AGBL1: variants seen among roughly 807,000 people sequenced by gnomAD.
AGBL1 encodes the protein cytosolic carboxypeptidase 4.
AGBL1 carries 130 observed loss-of-function variants against 118.9 expected under a neutral mutation model. That is an observed-to-expected ratio of 1.09 (90% CI 0.95 to 1.26). AGBL1 has a LOEUF of 1.26. Among genes scored for constraint, AGBL1 ranks in the 50% most tolerant of loss-of-function variants. The probability of loss-of-function intolerance (pLI) is 0.00; values close to 1 mark genes in which losing one functional copy is unlikely to be tolerated. For missense variants in AGBL1, 1,584 were observed against 1,298.1 expected, an observed-to-expected ratio of 1.22 and a Z score of -3.38; for synonymous variants, 555 against 478.9, an observed-to-expected ratio of 1.16 and a Z score of -2.08.
intron 18 of AGBL1, among the ~76,000 whole-genome samples, chr15:86,468,347 A>G (rs1305558144): frequency 6.6e-6 from 1 of 152,190 alleles, no homozygotes; most frequent in Non-Finnish European, 1.5e-5. Context: ...AAATTTTGGC[A>G]TGCTGAAGCT....
chr15:86,317,636 C>G (rs115830978), intron 17 of AGBL1, among the ~76,000 whole-genome samples: 1 of 152,148 alleles, frequency 6.6e-6, no homozygotes, highest in South Asian at 2.1e-4. Context: ...AGGATTGAGT[C>G]GATATTAATG....
rs544006943 is a variant in AGBL1 at position 86,557,153 on chromosome 15, T to C, written c.2994+2616T>C. 1.8e-3 allele frequency among the ~76,000 whole-genome samples: 268 copies of C among 152,354 alleles called. 1 individual carries two copies. The highest frequency in any genetic ancestry group is 6.3e-3 in the African/African-American group (263 of 41,590). ...CATACACTTAGATCTATAACTTGTA[T>C]TTAATGTGGAAATCCCACCCACTGA... On this transcript the variant is annotated intron_variant, in intron 21 of 22. Coordinates refer to ENST00000614907, the MANE Select transcript of AGBL1 (RefSeq NM_001386094.1).
chr15:86,645,103 T>A (rs1254645806), intron 21 of AGBL1, among the ~76,000 whole-genome samples: 4 of 152,178 alleles, frequency 2.6e-5, no homozygotes, highest in Non-Finnish European at 4.4e-5. Flanking sequence ...TAGAAAAAAA[T>A]TGAATATCAA....
At chr15:86,619,439 A>G (rs139267855) in intron 21 of AGBL1, among the ~76,000 whole-genome samples, 2,294 of 152,314 alleles carry the variant, frequency 0.015, 26 homozygotes, top group Admixed American at 0.022. Context: ...GGGAAATGAT[A>G]AAGTTCAGAT....
intron 17 of AGBL1, among the ~76,000 whole-genome samples, chr15:86,315,209 A>C (rs1320207119): frequency 6.6e-6 from 1 of 152,152 alleles, no homozygotes; most frequent in Non-Finnish European, 1.5e-5. Flanking sequence ...ACTCAAATGG[A>C]TAGGCAAGCT....
rs767815188 is a variant in AGBL1, at chr15:86,262,817, A to C, written c.1009A>C (p.Lys337Gln). 1.9e-6 allele frequency: 3 copies of C among 1,611,056 alleles called. No homozygotes were observed. Among genetic ancestry groups the C allele is most frequent in the Admixed American group, 3.3e-5 (2 of 59,710 alleles). ...AACAGACGTGAACAAGCTGAGTTCCAAACCTGGTCTTGACCGACCTGAAGA... is the reference window on the plus strand; with the variant it reads ...AACAGACGTGAACAAGCTGAGTTCCCAACCTGGTCTTGACCGACCTGAAGA... ...LETDVNKLSS[K>Q]PGLDRPEEEL... Residue 337 changes from lysine to glutamine, a missense_variant, in exon 10 of 23, where the codon AAA (lysine) becomes CAA (glutamine). By Grantham distance (53) the Lys-to-Gln change is moderately conservative (BLOSUM62 1). Transcript: ENST00000614907.
chr15:86,996,543 A>G (rs1427435588), intron 24 of AGBL1, among the ~76,000 whole-genome samples: 2 of 152,202 alleles, frequency 1.3e-5, no homozygotes, highest in African/African-American at 4.8e-5. Flanking sequence ...TCAAAGCTGT[A>G]GTGAGCCAGG....
chr15:86,250,387 G>A (rs1416890664), intron 7 of AGBL1, among the ~76,000 whole-genome samples: 3 of 151,468 alleles, frequency 2.0e-5, no homozygotes, highest in South Asian at 2.1e-4. Context: ...TTAGCCGGGC[G>A]TGGTAGCATG....
intron 4 of AGBL1, among the ~76,000 whole-genome samples, chr15:86,157,235 C>A (rs1216045461): frequency 6.6e-6 from 1 of 152,074 alleles, no homozygotes; most frequent in African/African-American, 2.4e-5. Context: ...CGTATATTGA[C>A]CTGAACACCA....
At chr15:86,774,748 T>A (rs2078228991) in intron 22 of AGBL1, among the ~76,000 whole-genome samples, 1 of 152,006 alleles carries the variant, frequency 6.6e-6, no homozygotes, top group Admixed American at 6.6e-5. Context: ...TGCTACAATA[T>A]GTATCAAGGC....
chr15:86,130,534 T>C (rs2076806116), intron 1 of AGBL1, among the ~76,000 whole-genome samples: 1 of 152,256 alleles, frequency 6.6e-6, no homozygotes, highest in South Asian at 2.1e-4. Flanking sequence ...TAGAACTGGA[T>C]TTACCACCTC....
At chr15:86,226,511 C>T (rs551056363) in intron 6 of AGBL1, among the ~76,000 whole-genome samples, 4 of 152,296 alleles carry the variant, frequency 2.6e-5, no homozygotes, top group South Asian at 2.1e-4. Flanking sequence ...CTTGAGCTTA[C>T]GGTTGAGCAT....
intron 17 of AGBL1, among the ~76,000 whole-genome samples, chr15:86,332,428 C>T (rs375736753): frequency 7.6e-4 from 116 of 152,060 alleles, no homozygotes; most frequent in African/African-American, 2.5e-3. Flanking sequence ...GGGCGGATCA[C>T]GAGGTCAGGA....
chr15:86,207,133 T>G (rs2078007478), intron 5 of AGBL1, among the ~76,000 whole-genome samples: 2 of 152,194 alleles, frequency 1.3e-5, no homozygotes. Flanking sequence ...ATGTGTGGTG[T>G]TATTTCTGAG....
At chr15:86,635,152 T>G (rs940930727) in intron 21 of AGBL1, among the ~76,000 whole-genome samples, 8 of 152,140 alleles carry the variant, frequency 5.3e-5, no homozygotes, top group African/African-American at 1.9e-4. Flanking sequence ...CTTCATATTT[T>G]CTTCTTTTAA....
At chr15:86,472,846 A>T (rs2082497046) in intron 18 of AGBL1, among the ~76,000 whole-genome samples, 2 of 152,130 alleles carry the variant, frequency 1.3e-5, no homozygotes, top group African/African-American at 4.8e-5. Flanking sequence ...TTGAGCCCAA[A>T]AGGCAAAGGT....
chr15:86,335,934 G>A (rs1016998091), intron 17 of AGBL1, among the ~76,000 whole-genome samples: 1 of 152,138 alleles, frequency 6.6e-6, no homozygotes, highest in Non-Finnish European at 1.5e-5. Flanking sequence ...GTTTTATTTC[G>A]ATAAGCTTCA....
At chr15:86,887,822 A>AAAAG (rs367861007) in intron 22 of AGBL1, among the ~76,000 whole-genome samples, 18 of 152,192 alleles carry the variant, frequency 1.2e-4, no homozygotes, top group East Asian at 3.9e-4. Context: ...TAAATAGAGA[A>AAAAG]AAAGAAAGAA....
intron 24 of AGBL1, among the ~76,000 whole-genome samples, chr15:87,017,509 G>A (rs962610530): frequency 6.6e-6 from 1 of 152,106 alleles, no homozygotes; most frequent in Non-Finnish European, 1.5e-5. Flanking sequence ...AAGGCAACTA[G>A]GGTCCATAGT....
Sources: allele counts gnomAD v4.1 joint callset (sites outside exome capture counted in the v4.1 genomes callset), GRCh38; gene constraint gnomAD v4.1.1; transcripts MANE v1.5; gene names NCBI Gene and HGNC (gene_info 2026-07-23, HGNC 2026-07-21).